The following NRK variants were observed in gnomAD, a reference collection of about 807,000 sequenced individuals.
The protein encoded by NRK is Nik related kinase, also known as nik-related protein kinase.
A neutral mutation model predicts 125.2 loss-of-function variants in NRK; 67 were observed. The observed-to-expected ratio is 0.54, with a 90% CI of 0.44 to 0.66. The LOEUF (loss-of-function observed/expected upper bound fraction) is 0.66. NRK is among the 30% of genes least tolerant of loss of function. NRK has a pLI of 0.00. For synonymous variants in NRK, 458 were observed against 429.0 expected (o/e 1.07, Z -0.84); for missense variants, 1,224 against 1,192.9 (o/e 1.03, Z -0.38).
intron 4 of NRK, 145 bp from the exon 5 acceptor site, chrX:105,888,149 C>A (rs545206): frequency 0.25 from 109,896 of 435,042 alleles, 12,000 homozygotes; most frequent in African/African-American, 0.59. Context: ...ATTCACTGAC[C>A]ATTTTAGTTG....
intron 16 of NRK, among the ~76,000 whole-genome samples, chrX:105,919,028 C>T (rs1416148317): frequency 1.3e-5 from 1 of 74,667 alleles, no homozygotes; most frequent in Non-Finnish European, 2.5e-5. Flanking sequence ...AAAAAAAGCA[C>T]AAGTACAACA....
At chrX:105,862,074 GATCT>G (rs67834006) in intron 2 of NRK, among the ~76,000 whole-genome samples, 35,149 of 106,855 alleles carry the variant, frequency 0.33, 5,998 homozygotes, top group African/African-American at 0.63. Context: ...TCTATCTATT[GATCT>G]ATCTATCTAT....
Position 105,908,912 on chromosome X carries a change from G to C in NRK, c.1271G>C (p.Ser424Thr), listed in dbSNP as rs1471724614. Residue 424 changes from serine (S) to threonine (T), a missense_variant, in exon 13 of 29, where the codon AGT becomes ACT. Ser to Thr is a moderately conservative substitution (Grantham distance 58, BLOSUM62 1). Transcript: ENST00000243300. The part of the protein sequence containing the change: ...RVFMPLQALD[S>T]APKPLKGQAQ... ...TTCATGCCACTGCAGGCTCTGGACA[G>C]TGCACCTAAGCCTCTAAAGGGGCAG... 1 of 1,211,068 alleles carries C rather than the reference G, an allele frequency of 8.3e-7. No individual in the cohort carries two copies. The highest frequency in any genetic ancestry group is 1.1e-6 in the Non-Finnish European group (1 of 894,939).
rs1324556258 is a variant in NRK at position 105,957,943 on chromosome X, T to G, written c.*2343T>G. The stretch of plus-strand genomic sequence containing the variant: ...AGACAGAAGAAATTATATCTATACA[T>G]TACCTTGTAGCAGCAGTACCTGGAA... On this transcript the variant is annotated 3_prime_UTR_variant, in exon 29 of 29. Coordinates refer to ENST00000243300, the MANE Select transcript of NRK (RefSeq NM_198465.4). The G allele has an allele frequency of 8.9e-6, 1 of 112,141 alleles. No homozygotes were observed. The highest frequency in any genetic ancestry group is 1.9e-5 in the Non-Finnish European group (1 of 53,276). The allele number at this position is 112,141 out of a possible 1,213,427, so 9.2% of individuals were successfully genotyped here. A position where few individuals can be genotyped will look rare whatever the true frequency, so the allele number is the denominator to read the frequency against.
intron 1 of NRK, among the ~76,000 whole-genome samples, chrX:105,827,828 C>T (rs1417197638): frequency 6.3e-5 from 7 of 111,962 alleles, no homozygotes; most frequent in Non-Finnish European, 3.8e-5. Flanking sequence ...CCAAATGGGA[C>T]ATCAAGACAT....
At chrX:105,857,126 T>C (rs1326858125) in intron 2 of NRK, among the ~76,000 whole-genome samples, 1 of 111,720 alleles carries the variant, frequency 9.0e-6, no homozygotes, top group African/African-American at 3.3e-5. Context: ...TTGAAGAAAT[T>C]TCAATTGATT....
chrX:105,830,062 G>A (rs980114343), intron 1 of NRK, among the ~76,000 whole-genome samples: 10 of 108,695 alleles, frequency 9.2e-5, no homozygotes, highest in South Asian at 7.9e-4. Flanking sequence ...GAATAACATC[G>A]GCTGGGCGCA....
chrX:105,835,175 T>C (rs1049987718), intron 2 of NRK, among the ~76,000 whole-genome samples: 2 of 111,743 alleles, frequency 1.8e-5, no homozygotes, highest in Non-Finnish European at 3.8e-5. Flanking sequence ...GTTGTTTATA[T>C]GGGAATTCAC....
At chrX:105,850,889 C>G (rs1454349065) in intron 2 of NRK, among the ~76,000 whole-genome samples, 1 of 112,267 alleles carries the variant, frequency 8.9e-6, no homozygotes, top group Admixed American at 9.4e-5. Context: ...TCTGAGCCCT[C>G]CAAACTGTTC....
At chrX:105,955,462 T>G (rs1216117381) in intron 28 of NRK, 43 bp from the exon 29 acceptor site, 26 of 726,639 alleles carry the variant, frequency 3.6e-5, no homozygotes, top group Non-Finnish European at 5.2e-5. Context: ...CTGGTTGCAA[T>G]GTATTAAATA....
At chrX:105,886,113 G>C (rs2039940348) in intron 4 of NRK, among the ~76,000 whole-genome samples, 1 of 109,653 alleles carries the variant, frequency 9.1e-6, no homozygotes, top group Non-Finnish European at 1.9e-5. Context: ...CATCTAACCA[G>C]ATGGCTCCAA....
chrX:105,950,763 A>T (rs780617629), intron 27 of NRK, among the ~76,000 whole-genome samples: 3 of 109,781 alleles, frequency 2.7e-5, no homozygotes, highest in African/African-American at 9.9e-5. Flanking sequence ...TGGACTCAGC[A>T]AAAAGCCTTT....
At chrX:105,953,757 A>G (rs1252276615) in intron 28 of NRK, among the ~76,000 whole-genome samples, 1 of 111,781 alleles carries the variant, frequency 8.9e-6, no homozygotes, top group African/African-American at 3.2e-5. Context: ...AACTAATTCA[A>G]ATAGTTTAGA....
intron 19 of NRK, among the ~76,000 whole-genome samples, chrX:105,933,782 G>T (rs899854244): frequency 8.9e-6 from 1 of 112,026 alleles, no homozygotes; most frequent in Non-Finnish European, 1.9e-5. Flanking sequence ...GCATAGCATA[G>T]CTGGATGTAT....
At chrX:105,852,711 C>T (rs2039487343) in intron 2 of NRK, among the ~76,000 whole-genome samples, 1 of 111,606 alleles carries the variant, frequency 9.0e-6, no homozygotes, top group Admixed American at 9.5e-5. Flanking sequence ...TAAAACAGTA[C>T]CAATGTTTTC....
At chrX:105,841,847 T>C (rs1487631409) in intron 2 of NRK, among the ~76,000 whole-genome samples, 1 of 111,357 alleles carries the variant, frequency 9.0e-6, no homozygotes, top group East Asian at 2.8e-4. Context: ...ATGGATAACA[T>C]TTACTGAGTG....
chrX:105,834,090 G>A lies in NRK; in HGVS notation c.123+2971G>A, dbSNP rs190481870. ...CATTTCTGGAATCTTCATTTCTTTA[G>A]TGTAGATCCAACTTTCCCTCTGGTG... On this transcript the variant is annotated intron_variant, in intron 2 of 28. Transcript: ENST00000243300. Among the ~76,000 whole-genome samples the A allele has an allele frequency of 2.0e-3, 228 of 111,294 alleles. 3 individuals carry two copies. The highest frequency in any genetic ancestry group is 7.2e-3 in the African/African-American group (221 of 30,730).
chrX:105,948,841 G>A (rs2040854521), intron 26 of NRK: 1 of 378,568 alleles, frequency 2.6e-6, no homozygotes, highest in South Asian at 6.3e-5. Context: ...TTCATTTGTA[G>A]GGAAATACTG....
intron 2 of NRK, among the ~76,000 whole-genome samples, chrX:105,845,571 C>G (rs1336229594): frequency 3.6e-5 from 4 of 112,263 alleles, no homozygotes; most frequent in Non-Finnish European, 7.5e-5. Flanking sequence ...ACTTGAAATT[C>G]AAATGTAAAT....
Sources: gnomAD v4.1 joint callset for allele counts (sites outside exome capture counted in the v4.1 genomes callset) on GRCh38, gnomAD v4.1.1 for gene constraint, MANE v1.5 for transcripts, NCBI Gene and HGNC (gene_info 2026-07-23, HGNC 2026-07-21) for gene names.